Variants in RNF157 observed in about 807,000 individuals in gnomAD.
The protein encoded by RNF157 is E3 ubiquitin ligase RNF157.
A neutral mutation model predicts 88.3 loss-of-function variants in RNF157; 55 were observed. The observed-to-expected ratio is 0.62, with a 90% CI of 0.50 to 0.78. The LOEUF is 0.78. Ranked by LOEUF, RNF157 falls within the 30% of genes least tolerant of loss-of-function variation. The pLI is 0.00. For synonymous variants in RNF157, 334 were observed against 341.2 expected (o/e 0.98, Z 0.23); for missense variants, 788 against 860.8 (o/e 0.92, Z 1.06).
intron 2 of RNF157, among the ~76,000 whole-genome samples, chr17:76,205,723 CTAAAT>C (rs2069670079): frequency 6.8e-6 from 1 of 146,738 alleles, no homozygotes; most frequent in Admixed American, 6.8e-5. Flanking sequence ...GACTCCATCT[CTAAAT>C]AAATAAATAA....
intron 2 of RNF157, among the ~76,000 whole-genome samples, chr17:76,196,418 T>G (rs1038665700): frequency 1.3e-5 from 2 of 152,210 alleles, no homozygotes; most frequent in African/African-American, 4.8e-5. Flanking sequence ...GTGCTACTTC[T>G]TCATCTGAAT....
chr17:76,192,311 T>C (rs1177066874), intron 2 of RNF157, among the ~76,000 whole-genome samples: 2 of 152,196 alleles, frequency 1.3e-5, no homozygotes, highest in African/African-American at 4.8e-5. Context: ...CATTATAAAG[T>C]TCCTTTCTCC....
rs771163993 is a variant in RNF157, at chr17:76,176,245, TA to T, written c.208-2456del. ...ATATCAAAGAGATTAAATATATGGATATTTTTTTGCCACAAAAGGCAAAAAT... is the reference window on the plus strand; with the variant it reads ...ATATCAAAGAGATTAAATATATGGATTTTTTTTGCCACAAAAGGCAAAAAT... On this transcript the variant is annotated intron_variant, in intron 2 of 18. Transcript: ENST00000269391. The surrounding 1 kb of genome is among the most constrained non-coding windows in gnomAD (Gnocchi z 4.2). 4.1e-4 allele frequency among the ~76,000 whole-genome samples: 62 copies of T among 152,310 alleles called. No individual in the cohort carries two copies. Among genetic ancestry groups the T allele is most frequent in the Middle Eastern group, 3.4e-3 (1 of 294 alleles).
intron 2 of RNF157, among the ~76,000 whole-genome samples, chr17:76,196,762 T>C (rs974420720): frequency 2.0e-5 from 3 of 151,678 alleles, no homozygotes; most frequent in African/African-American, 7.3e-5. Context: ...GATCCAAGAG[T>C]CTTCCTGATT....
At position 76,212,385 on chromosome 17, in the gene RNF157, A is replaced by G. The variant is rs61760884; in HGVS notation, c.186T>C (p.Phe62=). The change falls in exon 2 of 19, where the codon TTT becomes TTC. Residue 62 remains phenylalanine (F), a synonymous_variant. Transcript: ENST00000269391. ...YLFGENSDLN[F]LGNRPVVFPY... is the part of the protein sequence containing the mutation. ...ATACCACAACTGGTCTGTTCCCCAG[A>G]AAGTTCAGATCGCTGTTCTCTCCAA... 11,570 of 1,612,848 alleles carry G rather than the reference A, an allele frequency of 7.2e-3. 61 individuals carry two copies. Among genetic ancestry groups the G allele is most frequent in the Non-Finnish European group, 8.4e-3 (9,902 of 1,178,788 alleles).
At chr17:76,153,245 C>T (rs2068709551) in intron 17 of RNF157, 1 of 152,268 alleles carries the variant, frequency 6.6e-6, no homozygotes, top group Non-Finnish European at 1.5e-5. Context: ...CAAGGGGTAA[C>T]TCTAGAGCCT....
intron 6 of RNF157, 130 bp downstream of exon 6, chr17:76,166,331 C>G: frequency 1.3e-6 from 1 of 766,976 alleles, no homozygotes; most frequent in East Asian, 2.5e-5. Flanking sequence ...TGAGAGGATG[C>G]AGAGACTGCC....
chr17:76,147,295 A>G, intron 18 of RNF157: 1 of 985,412 alleles, frequency 1.0e-6, no homozygotes, highest in Non-Finnish European at 1.2e-6. Context: ...ATGGGGCAGG[A>G]CTCCGGAGCT....
In RNF157 at chr17:76,226,356, G is replaced by C. The variant is rs1183756386; in HGVS notation, c.88+13797C>G. 6.3e-6 allele frequency: 10 copies of C among 1,598,908 alleles called. No individual in the cohort carries two copies. The African/African-American group carries it at 9.4e-5, about 15-fold the overall frequency. On this transcript the variant is annotated intron_variant, in intron 1 of 18. Coordinates refer to ENST00000269391, the MANE Select transcript of RNF157 (RefSeq NM_052916.3). ...AAGGTGAAGGGGGCAACCTGGTCGG[G>C]TTTTGTTAAACTTTCTGGGAGATGG...
intron 3 of RNF157, among the ~76,000 whole-genome samples, chr17:76,172,682 T>C (rs937944879): frequency 2.1e-5 from 3 of 145,222 alleles, no homozygotes; most frequent in Admixed American, 6.9e-5. Context: ...GACAGAAACA[T>C]TGTAATGCTA....
At chr17:76,167,878 T>C (rs2068953823) in intron 3 of RNF157, 81 bp from the exon 4 acceptor site, 2 of 1,341,600 alleles carry the variant, frequency 1.5e-6, no homozygotes, top group East Asian at 2.3e-5. Flanking sequence ...AGCAATATAT[T>C]GTGGGCTTCT....
chr17:76,179,485 A>G (rs752770592), intron 2 of RNF157, among the ~76,000 whole-genome samples: 25 of 152,084 alleles, frequency 1.6e-4, no homozygotes, highest in Non-Finnish European at 3.2e-4. Flanking sequence ...TGAGGTCAGG[A>G]GCTTTGAGAC....
intron 1 of RNF157, among the ~76,000 whole-genome samples, chr17:76,218,458 T>C (rs564115454): frequency 5.3e-5 from 8 of 151,964 alleles, no homozygotes; most frequent in East Asian, 1.9e-4. Context: ...CTGGGCAACA[T>C]AGCAAGACCT....
At position 76,162,563 on chromosome 17, in the gene RNF157, G is replaced by T. The variant is rs556471872; in HGVS notation, c.781C>A (p.Gln261Lys). ...IYGIENKYNT[Q>K]DSKVAEDEVS... ...TGGGTAAAACTTACCTTAGAATCTT[G>T]TGTGTTGTACTTGTTTTCAATTCCA... The change falls in exon 9 of 19, where the codon CAA (glutamine) becomes AAA (lysine). Residue 261 changes from glutamine (Q) to lysine (K), a missense_variant. Gln to Lys is a moderately conservative substitution (Grantham distance 53). Coordinates refer to ENST00000269391, the MANE Select transcript of RNF157 (RefSeq NM_052916.3). 373 of 1,612,580 alleles carry T rather than the reference G, an allele frequency of 2.3e-4. No individual in the cohort carries two copies. The highest frequency in any genetic ancestry group is 3.0e-4 in the Non-Finnish European group (359 of 1,178,994).
At chr17:76,216,866 G>C (rs951860190) in intron 1 of RNF157, among the ~76,000 whole-genome samples, 15 of 151,658 alleles carry the variant, frequency 9.9e-5, no homozygotes, top group Admixed American at 5.3e-4. Context: ...ATTCCAGTCT[G>C]GGTAAAAGAG....
intron 2 of RNF157, among the ~76,000 whole-genome samples, chr17:76,209,659 A>T (rs1004124254): frequency 5.3e-5 from 8 of 152,174 alleles, no homozygotes; most frequent in South Asian, 2.1e-4. Flanking sequence ...AAATTTTTTT[A>T]AAAATATATA....
chr17:76,228,991 C>T (rs912214562), intron 1 of RNF157, among the ~76,000 whole-genome samples: 1 of 152,028 alleles, frequency 6.6e-6, no homozygotes, highest in Non-Finnish European at 1.5e-5. Flanking sequence ...ATCGATTCAT[C>T]CTGTCCTTTC....
intron 2 of RNF157, among the ~76,000 whole-genome samples, chr17:76,200,429 G>A (rs1016785410): frequency 1.3e-5 from 2 of 152,138 alleles, no homozygotes; most frequent in African/African-American, 2.4e-5. Flanking sequence ...CAACATGGAT[G>A]AACCAAGCAC....
chr17:76,171,431 G>A (rs554285738), intron 3 of RNF157, among the ~76,000 whole-genome samples: 5 of 151,852 alleles, frequency 3.3e-5, no homozygotes, highest in Non-Finnish European at 7.4e-5. Context: ...TCGGTGATCC[G>A]CCCGCCTTGG....
Sources: allele counts gnomAD v4.1 joint callset (sites outside exome capture counted in the v4.1 genomes callset), GRCh38; gene constraint gnomAD v4.1.1; non-coding constraint Gnocchi (gnomAD v3.1); transcripts MANE v1.5; gene names NCBI Gene and HGNC (gene_info 2026-07-23, HGNC 2026-07-21).